The following NRG2 variants were observed in gnomAD, a reference collection of about 807,000 sequenced individuals.
NRG2 encodes the protein neuregulin 2.
NRG2 carries 27 observed loss-of-function variants against 73.9 expected under a neutral mutation model. The ratio of observed to expected loss-of-function variants is 0.37; its 90% CI spans 0.27 to 0.50. The LOEUF (loss-of-function observed/expected upper bound fraction) is 0.50, where lower values mean the gene tolerates loss of function less well. Among genes scored for constraint, NRG2 ranks in the 20% least tolerant of loss-of-function variants. The pLI, the probability that NRG2 is intolerant of heterozygous loss-of-function variation, is 0.96. For missense variants in NRG2, 1,126 were observed against 1,210.1 expected (o/e 0.93, Z 1.03); for synonymous variants, 532 against 541.0 (o/e 0.98, Z 0.23).
intron 1 of NRG2, among the ~76,000 whole-genome samples, chr5:139,985,246 A>C (rs1049662410): frequency 6.6e-6 from 1 of 151,876 alleles, no homozygotes; most frequent in Non-Finnish European, 1.5e-5. Context: ...AGGCTGAGGC[A>C]GGAGAATCAC....
intron 1 of NRG2, among the ~76,000 whole-genome samples, chr5:139,901,260 A>G (rs577689972): frequency 6.6e-6 from 1 of 152,342 alleles, no homozygotes; most frequent in South Asian, 2.1e-4. Flanking sequence ...TTGAGCTCTC[A>G]GGATGAAAGA....
chr5:139,941,557 G>A (rs1753405202), intron 1 of NRG2, among the ~76,000 whole-genome samples: 1 of 152,044 alleles, frequency 6.6e-6, no homozygotes, highest in African/African-American at 2.4e-5. Flanking sequence ...CAATCCATAA[G>A]CATATGATTT....
chr5:140,020,228 T>C (rs1251081786), intron 1 of NRG2, among the ~76,000 whole-genome samples: 2 of 152,200 alleles, frequency 1.3e-5, no homozygotes, highest in Admixed American at 1.3e-4. Context: ...AGTAAGCAGC[T>C]CTGGATTTGT....
At chr5:139,956,493 C>T (rs1754638219) in intron 1 of NRG2, among the ~76,000 whole-genome samples, 2 of 152,176 alleles carry the variant, frequency 1.3e-5, no homozygotes, top group South Asian at 4.1e-4. Flanking sequence ...CAAGCTGTTG[C>T]CTCTCCAGCA....
intron 1 of NRG2, among the ~76,000 whole-genome samples, chr5:139,986,667 T>C (rs912571274): frequency 6.6e-6 from 1 of 152,196 alleles, no homozygotes; most frequent in African/African-American, 2.4e-5. Context: ...AAACATTCTG[T>C]ATGATGGAAA....
At chr5:139,961,080 T>C (rs748899490) in intron 1 of NRG2, among the ~76,000 whole-genome samples, 7 of 152,240 alleles carry the variant, frequency 4.6e-5, no homozygotes, top group Non-Finnish European at 8.8e-5. Context: ...GGTGAGATGC[T>C]GCTATTACAG....
At chr5:139,936,002 C>G (rs1752829128) in intron 1 of NRG2, among the ~76,000 whole-genome samples, 1 of 144,528 alleles carries the variant, frequency 6.9e-6, no homozygotes, top group Non-Finnish European at 1.5e-5. Flanking sequence ...AAAAACATGA[C>G]AAATCAAAAT....
intron 2 of NRG2, among the ~76,000 whole-genome samples, chr5:139,885,891 A>G (rs1420186640): frequency 6.6e-6 from 1 of 151,982 alleles, no homozygotes; most frequent in Non-Finnish European, 1.5e-5. Flanking sequence ...TTCTAGAAAG[A>G]AAGGATAGGA....
chr5:139,874,305 C>T (rs1168153827), intron 3 of NRG2, among the ~76,000 whole-genome samples: 9 of 152,322 alleles, frequency 5.9e-5, no homozygotes, highest in Middle Eastern at 3.4e-3. Flanking sequence ...TACACCTCCA[C>T]GAGGATGGCT....
intron 1 of NRG2, among the ~76,000 whole-genome samples, chr5:140,019,039 A>G (rs1490324838): frequency 6.6e-6 from 1 of 152,216 alleles, no homozygotes; most frequent in African/African-American, 2.4e-5. Context: ...GCAGGGAATC[A>G]CGGGGAGGTG....
Position 139,953,574 on chromosome 5 carries a change from C to T in NRG2, c.701-66063G>A, listed in dbSNP as rs187854539. On this transcript the variant is annotated intron_variant, in intron 1 of 9. Coordinates refer to ENST00000361474, the MANE Select transcript of NRG2 (RefSeq NM_004883.3). ...CTATCAGGGCTAGGTGGTCTGACTA[C>T]CTGGGGCACTGCACTAGGGCCCAGC... Among the ~76,000 whole-genome samples, 327 of 152,278 alleles carry T rather than the reference C, an allele frequency of 2.1e-3. 3 individuals carry two copies. Among genetic ancestry groups the T allele is most frequent in the Non-Finnish European group, 2.3e-3 (157 of 68,022 alleles).
At chr5:139,883,410 C>T (rs1000147162) in intron 2 of NRG2, among the ~76,000 whole-genome samples, 5 of 147,884 alleles carry the variant, frequency 3.4e-5, no homozygotes, top group African/African-American at 7.4e-5. Context: ...GGGAAGGCCC[C>T]GTGCCCAGGA....
Position 140,043,247 on chromosome 5 carries a change from A to AGCGCG in NRG2, c.-183_-179dup. The AGCGCG allele has an allele frequency of 4.9e-6, 3 of 610,960 alleles. No homozygotes were observed. Among genetic ancestry groups the AGCGCG allele is most frequent in the East Asian group, 3.2e-5 (1 of 30,948 alleles). 37.8% of individuals were successfully genotyped at this position (610,960 alleles called of 1,614,324 possible). Reference sequence around the variant, plus strand: ...AGGCGGCAAGCGGGCCGCGATGCGCAGCGCGGCGCAGCGCAGCGCTCCCAC... The same window carrying AGCGCG: ...AGGCGGCAAGCGGGCCGCGATGCGCAGCGCGGCGCGGCGCAGCGCAGCGCTCCCAC... On this transcript the variant is annotated 5_prime_UTR_variant, in exon 1 of 10. Transcript: ENST00000361474. This position sits in a 1 kb window ranked among gnomAD's most constrained non-coding sequence, Gnocchi z 6.7.
chr5:139,870,466 C>G lies in NRG2; in HGVS notation c.1112+1255G>C, dbSNP rs1216748110. ...TTGAAAAGTCCTGGCCTTCTCAGAC[C>G]AGGCTCACATTCCCGGGCAAGGGTG... is the stretch of plus-strand genomic sequence containing the variant. On this transcript the variant is annotated intron_variant, in intron 4 of 9. Coordinates refer to ENST00000361474, the MANE Select transcript of NRG2 (RefSeq NM_004883.3). This position sits in a 1 kb window ranked among gnomAD's most constrained non-coding sequence, Gnocchi z 4.4. 6.6e-6 allele frequency among the ~76,000 whole-genome samples: 1 copy of G among 152,162 alleles called. No homozygotes were observed.
intron 1 of NRG2, among the ~76,000 whole-genome samples, chr5:140,034,405 G>C (rs371202412): frequency 6.6e-6 from 1 of 151,858 alleles, no homozygotes; most frequent in African/African-American, 2.4e-5. Context: ...ATGAAAGTCT[G>C]AATGTTTTTC....
chr5:139,942,743 T>A (rs115150865), intron 1 of NRG2, among the ~76,000 whole-genome samples: 50 of 152,376 alleles, frequency 3.3e-4, no homozygotes, highest in African/African-American at 1.2e-3. Flanking sequence ...ATTTATTTTC[T>A]CTGTACACAG....
rs754501059 is a variant in NRG2, at chr5:139,853,071, G to A, written c.1293-44C>T. 1.1e-5 allele frequency: 18 copies of A among 1,608,754 alleles called. No individual in the cohort carries two copies. The highest frequency in any genetic ancestry group is 1.7e-4 in the Middle Eastern group (1 of 6,054). ...GGTGAGGCTGGCATTCCCCCCACTC[G>A]CCAACGATGAACTTCCCTAGCTATC... On this transcript the variant is annotated intron_variant, in intron 6 of 9. Transcript: ENST00000361474. This position sits in a 1 kb window ranked among gnomAD's most constrained non-coding sequence, Gnocchi z 4.1.
chr5:140,004,281 G>A (rs1439871908), intron 1 of NRG2, among the ~76,000 whole-genome samples: 1 of 152,186 alleles, frequency 6.6e-6, no homozygotes, highest in African/African-American at 2.4e-5. Flanking sequence ...CAATGTAGAA[G>A]GTACTTGGGC....
Position 139,981,345 on chromosome 5 carries a change from C to T in NRG2, c.700+61025G>A, listed in dbSNP as rs555673710. Among the ~76,000 whole-genome samples the T allele has an allele frequency of 8.1e-4, 123 of 152,328 alleles. 1 individual carries two copies. The highest frequency in any genetic ancestry group is 2.9e-3 in the African/African-American group (119 of 41,578). On this transcript the variant is annotated intron_variant, in intron 1 of 9. Transcript: ENST00000361474. ...GGAGTTCACAGGCAGGAAAATGTAG[C>T]CCACTCACCCCACATGGCCATGGTG...
Sources: gnomAD v4.1 joint callset for allele counts (sites outside exome capture counted in the v4.1 genomes callset) on GRCh38, gnomAD v4.1.1 for gene constraint, Gnocchi (gnomAD v3.1) non-coding constraint, MANE v1.5 for transcripts, NCBI Gene and HGNC (gene_info 2026-07-23, HGNC 2026-07-21) for gene names.